PPP6R2: variants seen among roughly 807,000 people sequenced by gnomAD.
The protein encoded by PPP6R2 is serine/threonine-protein phosphatase 6 regulatory subunit 2.
In PPP6R2, 62 loss-of-function variants were observed where a neutral mutation model predicts 100.2. The observed-to-expected ratio is 0.62, with a 90% CI of 0.50 to 0.76. The LOEUF (loss-of-function observed/expected upper bound fraction) is 0.76, where lower values mean the gene tolerates loss of function less well. PPP6R2 is among the 30% of genes least tolerant of loss of function. The probability of loss-of-function intolerance (pLI) is 0.00; values close to 1 mark genes in which losing one functional copy is unlikely to be tolerated. For synonymous variants in PPP6R2, 525 were observed against 514.7 expected (o/e 1.02, Z -0.27); for missense variants, 1,142 against 1,276.3 (o/e 0.89, Z 1.60).
intron 1 of PPP6R2, among the ~76,000 whole-genome samples, chr22:50,368,983 A>G (rs1452231495): frequency 1.3e-5 from 2 of 152,226 alleles, no homozygotes; most frequent in Non-Finnish European, 2.9e-5. Context: ...TCACGCCTGT[A>G]ATCCCAGCAC....
At chr22:50,411,101 A>G (rs2059687620) in intron 4 of PPP6R2, among the ~76,000 whole-genome samples, 1 of 152,078 alleles carries the variant, frequency 6.6e-6, no homozygotes, top group Non-Finnish European at 1.5e-5. Context: ...TTTAAATGGT[A>G]TCTTTTTAAT....
At chr22:50,442,406 T>A (rs1366942016) in intron 22 of PPP6R2, among the ~76,000 whole-genome samples, 1 of 152,104 alleles carries the variant, frequency 6.6e-6, no homozygotes, top group Non-Finnish European at 1.5e-5. Context: ...CTGCAGCAAG[T>A]GGGGGGCACA....
chr22:50,423,663 A>G lies in PPP6R2; in HGVS notation c.1125+49A>G, dbSNP rs765573201. 5.6e-6 allele frequency: 9 copies of G among 1,607,016 alleles called. No individual in the cohort carries two copies. In the Admixed American group the frequency reaches 1.0e-4, roughly 18 times the overall value. ...CTGCATGTCTGTGAGTGTGCCGGGC[A>G]TGGCCTGTGGACTTGTCAGGAGCAG... On this transcript the variant is annotated intron_variant, in intron 10 of 23. Coordinates refer to ENST00000612753, the MANE Select transcript of PPP6R2 (RefSeq NM_001242898.2). The surrounding 1 kb of genome is among the most constrained non-coding windows in gnomAD (Gnocchi z 4.8).
chr22:50,442,770 T>C (rs2065987202), intron 22 of PPP6R2, among the ~76,000 whole-genome samples: 1 of 151,696 alleles, frequency 6.6e-6, no homozygotes, highest in South Asian at 2.1e-4. Context: ...GCCAGTATGG[T>C]CTCGATCTCC....
At chr22:50,363,201 C>T (rs2048121328) in intron 1 of PPP6R2, among the ~76,000 whole-genome samples, 1 of 152,196 alleles carries the variant, frequency 6.6e-6, no homozygotes, top group African/African-American at 2.4e-5. Context: ...TCTCTGCTCC[C>T]TTCCATGCCC....
Position 50,444,521 on chromosome 22 carries a change from A to T in PPP6R2, c.*274A>T. 1 of 102,746 alleles carries T rather than the reference A, an allele frequency of 9.7e-6. No homozygotes were observed. The highest frequency in any genetic ancestry group is 1.7e-5 in the Non-Finnish European group (1 of 58,688). 6.4% of individuals were successfully genotyped at this position (102,746 alleles called of 1,614,324 possible). On this transcript the variant is annotated 3_prime_UTR_variant, in exon 24 of 24. Coordinates refer to ENST00000612753, the MANE Select transcript of PPP6R2 (RefSeq NM_001242898.2). ...CACAGCAATAAGGTCGGCCTGCAGG[A>T]GCCGGGGTGGGGGTGGGGGTGGGGG...
At position 50,434,935 on chromosome 22, in the gene PPP6R2, A is replaced by G. The variant is rs556783950; in HGVS notation, c.1401-31A>G. On this transcript the variant is annotated intron_variant, in intron 12 of 23. Coordinates refer to ENST00000612753, the MANE Select transcript of PPP6R2 (RefSeq NM_001242898.2). ...TGGGTCTGGCAAGGTCGGGGCCAGG[A>G]GGCCGCCCCGATGGTGCCTGTTGCT... 8.2e-6 allele frequency: 13 copies of G among 1,577,942 alleles called. No individual in the cohort carries two copies. The South Asian group carries it at 1.3e-4, about 16-fold the overall frequency.
chr22:50,333,497 C>A, the PPP6R2 span, among the ~76,000 whole-genome samples: 2 of 152,102 alleles, frequency 1.3e-5, no homozygotes, highest in Non-Finnish European at 2.9e-5. Context: ...CCACCACGCC[C>A]GGCTAATTTT....
intron 13 of PPP6R2, 46 bp from the exon 14 acceptor site, chr22:50,436,321 C>A (rs2148267287): frequency 6.5e-7 from 1 of 1,531,054 alleles, no homozygotes; most frequent in East Asian, 2.4e-5. Context: ...CCTGCACCAT[C>A]TGCACGGGGT....
At position 50,423,789 on chromosome 22, in the gene PPP6R2, C is replaced by T. The variant is rs1232766406; in HGVS notation, c.1125+175C>T. ...AGGTCTCTGGCGGGGCACAGAGCAG[C>T]AGTGGGGTGTGTCTCAGCTGCAGGC... On this transcript the variant is annotated intron_variant, in intron 10 of 23. Transcript: ENST00000612753. This position sits in a 1 kb window ranked among gnomAD's most constrained non-coding sequence, Gnocchi z 4.8. Among the ~76,000 whole-genome samples the T allele has an allele frequency of 6.6e-6, 1 of 152,170 alleles. No homozygotes were observed. Among genetic ancestry groups the T allele is most frequent in the Non-Finnish European group, 1.5e-5 (1 of 68,032 alleles).
At chr22:50,393,625 G>A (rs1213622030) in intron 2 of PPP6R2, 2 of 952,630 alleles carry the variant, frequency 2.1e-6, no homozygotes, top group Non-Finnish European at 2.5e-6. Context: ...CAGCCTCAGA[G>A]CTGTTGAGCA....
intron 1 of PPP6R2, among the ~76,000 whole-genome samples, chr22:50,355,118 C>T (rs2046190118): frequency 6.6e-6 from 1 of 152,042 alleles, no homozygotes; most frequent in African/African-American, 2.4e-5. Context: ...ACTGGGACTA[C>T]AGGCGTGAGC....
chr22:50,349,515 A>G (rs1343621356), intron 1 of PPP6R2, among the ~76,000 whole-genome samples: 4 of 151,948 alleles, frequency 2.6e-5, no homozygotes, highest in African/African-American at 4.8e-5. Context: ...CCAAAAATAA[A>G]TAAAAGCACA....
intron 4 of PPP6R2, among the ~76,000 whole-genome samples, chr22:50,411,606 T>C (rs745904255): frequency 2.0e-5 from 3 of 151,488 alleles, no homozygotes; most frequent in Non-Finnish European, 4.4e-5. Flanking sequence ...ATACAAAAAT[T>C]AGCTGGGCGT....
chr22:50,355,587 C>G (rs1051690580), intron 1 of PPP6R2, among the ~76,000 whole-genome samples: 1 of 146,232 alleles, frequency 6.8e-6, no homozygotes, highest in African/African-American at 2.6e-5. Context: ...GTGGTGCGAT[C>G]TTGGCTCACT....
At chr22:50,357,429 C>G (rs1049668088) in intron 1 of PPP6R2, among the ~76,000 whole-genome samples, 1 of 151,246 alleles carries the variant, frequency 6.6e-6, no homozygotes, top group African/African-American at 2.4e-5. Context: ...CTTTTCTTTT[C>G]TTTTTCTTTT....
At chr22:50,381,800 C>A (rs1290984496) in intron 2 of PPP6R2, among the ~76,000 whole-genome samples, 2 of 151,496 alleles carry the variant, frequency 1.3e-5, no homozygotes, top group African/African-American at 4.9e-5. Flanking sequence ...CCCAGCTACT[C>A]AGGAGGCTGA....
In PPP6R2 at chr22:50,423,450, CTG is replaced by C. The variant is rs1317403172; in HGVS notation, c.973-8_973-7del. 6.2e-7 allele frequency: 1 copy of C among 1,614,018 alleles called. No homozygotes were observed. Among genetic ancestry groups the C allele is most frequent in the East Asian group, 2.2e-5 (1 of 44,890 alleles). ...ACAGGGCCTAACTGGGTGGTGCCTT[CTG>C]TGTTTGCAGAAGAAAGCGATCCTGA... On this transcript the variant is annotated splice_polypyrimidine_tract_variant and intron_variant, in intron 9 of 23. Coordinates refer to ENST00000612753, the MANE Select transcript of PPP6R2 (RefSeq NM_001242898.2). The surrounding 1 kb of genome is among the most constrained non-coding windows in gnomAD (Gnocchi z 4.8).
intron 8 of PPP6R2, among the ~76,000 whole-genome samples, chr22:50,421,001 C>T (rs2061259427): frequency 6.6e-6 from 1 of 152,124 alleles, no homozygotes; most frequent in Non-Finnish European, 1.5e-5. Context: ...ATAGCCTGTG[C>T]TTTTTTAAAG....
Sources: gnomAD v4.1 joint callset for allele counts (sites outside exome capture counted in the v4.1 genomes callset) on GRCh38, gnomAD v4.1.1 for gene constraint, Gnocchi (gnomAD v3.1) non-coding constraint, MANE v1.5 for transcripts, NCBI Gene and HGNC (gene_info 2026-07-23, HGNC 2026-07-21) for gene names.